Variants in CLCNKB observed in about 807,000 individuals in gnomAD.
The protein encoded by CLCNKB is chloride voltage-gated channel Kb.
A neutral mutation model predicts 83.8 loss-of-function variants in CLCNKB; 74 were observed. The observed-to-expected ratio is 0.88, with a 90% CI of 0.73 to 1.07. The LOEUF (loss-of-function observed/expected upper bound fraction) is 1.07. Among genes scored for constraint, CLCNKB ranks in the 50% least tolerant of loss-of-function variants. The probability of loss-of-function intolerance (pLI) is 0.00; values close to 1 mark genes in which losing one functional copy is unlikely to be tolerated. For synonymous variants in CLCNKB, 358 were observed against 356.6 expected, an observed-to-expected ratio of 1.00 and a Z score of -0.04; for missense variants, 798 against 893.6, an observed-to-expected ratio of 0.89 and a Z score of 1.36.
chr1:16,045,750 A>G, intron 3 of CLCNKB, 64 bp downstream of exon 3: 1 of 1,129,424 alleles, frequency 8.9e-7, no homozygotes, highest in Non-Finnish European at 1.2e-6. Context: ...TGGGGATGCC[A>G]GGTGGATGTC....
intron 1 of CLCNKB, 30 bp from the exon 2 acceptor site, chr1:16,044,456 C>T (rs1297779608): frequency 4.4e-5 from 68 of 1,557,302 alleles, no homozygotes; most frequent in Non-Finnish European, 5.5e-5. Flanking sequence ...AGCAGCTCAC[C>T]GCGGTCCCTC....
chr1:16,047,250 C>A (rs1322171127), intron 4 of CLCNKB, among the ~76,000 whole-genome samples: 2 of 152,038 alleles, frequency 1.3e-5, no homozygotes, highest in Non-Finnish European at 2.9e-5. Flanking sequence ...TGAGACCAGC[C>A]TGGGCAACAC....
Position 16,050,859 on chromosome 1 carries a change from A to T in CLCNKB, c.1054-16A>T. The T allele has an allele frequency of 6.2e-7, 1 of 1,608,558 alleles. No individual in the cohort carries two copies. The highest frequency in any genetic ancestry group is 8.5e-7 in the Non-Finnish European group (1 of 1,178,506). ...TGGGGGCCCCTCATGTCCAGTTCCC[A>T]CCTGCCCCGCCACAGCTGTCCATGA... On this transcript the variant is annotated splice_polypyrimidine_tract_variant and intron_variant, in intron 11 of 19. Transcript: ENST00000375679.
Position 16,048,341 on chromosome 1 carries a change from A to C in CLCNKB, c.499-2A>C. The C allele has an allele frequency of 6.2e-7, 1 of 1,613,884 alleles. No homozygotes were observed. Among genetic ancestry groups the C allele is most frequent in the Non-Finnish European group, 8.5e-7 (1 of 1,180,000 alleles). ...GCCCTGGGCCCACCCTTCTCTCTGC[A>C]GGGCCCTTTCGTGCACCTGTCTGTG... On this transcript the variant is annotated splice_acceptor_variant, in intron 5 of 19. Coordinates refer to ENST00000375679, the MANE Select transcript of CLCNKB (RefSeq NM_000085.5). LOFTEE classifies it high-confidence loss of function.
Position 16,049,864 on chromosome 1 carries a change from T to C in CLCNKB, c.916T>C (p.Phe306Leu). 6.2e-7 allele frequency: 1 copy of C among 1,613,916 alleles called. No homozygotes were observed. Among genetic ancestry groups the C allele is most frequent in the Non-Finnish European group, 8.5e-7 (1 of 1,179,928 alleles). ...GSAYLFCQRIFFGFIRNNRFS... is the reference protein window; with the variant it reads ...GSAYLFCQRILFGFIRNNRFS... Reference sequence around the variant, plus strand: ...CGCTTACCTCTTCTGTCAGCGAATCTTCTTTGGCTTCATCAGGAACAATAG... The same window carrying C: ...CGCTTACCTCTTCTGTCAGCGAATCCTCTTTGGCTTCATCAGGAACAATAG... Residue 306 changes from phenylalanine to leucine, a missense_variant, in exon 10 of 20, where the codon TTC (phenylalanine) becomes CTC (leucine). Phe to Leu is a conservative substitution (Grantham distance 22). Coordinates refer to ENST00000375679, the MANE Select transcript of CLCNKB (RefSeq NM_000085.5).
At chr1:16,044,274 C>A (rs573484296) in intron 1 of CLCNKB, among the ~76,000 whole-genome samples, 44 of 152,178 alleles carry the variant, frequency 2.9e-4, no homozygotes, top group African/African-American at 1.1e-3. Flanking sequence ...CCATCCCACA[C>A]AATGACACAC....
At chr1:16,056,144 G>A (rs2023430181) in intron 18 of CLCNKB, among the ~76,000 whole-genome samples, 1 of 152,190 alleles carries the variant, frequency 6.6e-6, no homozygotes, top group African/African-American at 2.4e-5. Flanking sequence ...GGTTGGGGAG[G>A]GGCAGAGGCT....
At chr1:16,053,826 C>A in intron 16 of CLCNKB, 54 bp downstream of exon 16, 3 of 1,609,110 alleles carry the variant, frequency 1.9e-6, no homozygotes, top group Non-Finnish European at 2.5e-6. Flanking sequence ...CCTCTGCCTC[C>A]TTCTTGAACC....
At chr1:16,052,502 G>A (rs1180928388) in intron 15 of CLCNKB, 91 bp downstream of exon 15, 50 of 1,470,764 alleles carry the variant, frequency 3.4e-5, no homozygotes, top group Middle Eastern at 1.9e-4. Flanking sequence ...AAACGCCACC[G>A]TAGCTGACCT....
chr1:16,044,180 G>C lies in CLCNKB; in HGVS notation c.-8+300G>C, dbSNP rs535226113. On this transcript the variant is annotated intron_variant, in intron 1 of 19. Transcript: ENST00000375679. Reference sequence around the variant, plus strand: ...AGGGTGGGAGCGGCTGCCACCGAAGGGGAAGGGGCTCTGAGCAGGGCTTGG... The same window carrying C: ...AGGGTGGGAGCGGCTGCCACCGAAGCGGAAGGGGCTCTGAGCAGGGCTTGG... 9.2e-5 allele frequency among the ~76,000 whole-genome samples: 14 copies of C among 152,038 alleles called. No homozygotes were observed. The South Asian group carries it at 1.0e-3, about 11-fold the overall frequency.
intron 17 of CLCNKB, 25 bp downstream of exon 17, chr1:16,055,548 GA>G: frequency 9.9e-7 from 1 of 1,007,466 alleles, no homozygotes; most frequent in Non-Finnish European, 1.5e-6. Context: ...GGGGCATGGG[GA>G]TGGGGCGGGG....
At chr1:16,056,782 C>G in intron 19 of CLCNKB, 87 bp from the exon 20 acceptor site, 3 of 1,071,592 alleles carry the variant, frequency 2.8e-6, no homozygotes, top group Middle Eastern at 2.0e-4. Context: ...ACCCAGAAAC[C>G]ACCCTTAGGG....
rs764151727 is a variant in CLCNKB, at chr1:16,056,427, C to A, written c.1935C>A (p.His645Gln). 9 of 1,614,116 alleles carry A rather than the reference C, an allele frequency of 5.6e-6. No individual in the cohort carries two copies. Among genetic ancestry groups the A allele is most frequent in the South Asian group, 2.2e-5 (2 of 91,080 alleles). The change falls in exon 19 of 20, where the codon CAC (histidine) becomes CAA (glutamine). Residue 645 changes from histidine (H) to glutamine (Q), a missense_variant. Physicochemically the swap from His to Gln is conservative, Grantham distance 24. Coordinates refer to ENST00000375679, the MANE Select transcript of CLCNKB (RefSeq NM_000085.5). Reference sequence around the variant, plus strand: ...TCCTAACATCCCCCATCCAGGCACACAACCTCTTTGAGCTGTTGAACCTTC... The same window carrying A: ...TCCTAACATCCCCCATCCAGGCACAAAACCTCTTTGAGCTGTTGAACCTTC... ...LSPETSLHEAHNLFELLNLHS... is the reference protein window; with the variant it reads ...LSPETSLHEAQNLFELLNLHS...
At chr1:16,045,537 T>C in intron 2 of CLCNKB, 21 bp from the exon 3 acceptor site, 1 of 1,611,760 alleles carries the variant, frequency 6.2e-7, no homozygotes, top group Non-Finnish European at 8.5e-7. Context: ...CCCTGTGCCG[T>C]GACCCCATGC....
rs558995145 is a variant in CLCNKB at position 16,055,796 on chromosome 1, T to C, written c.1929+38T>C. On this transcript the variant is annotated intron_variant, in intron 18 of 19. Transcript: ENST00000375679. ...ACTGGGGAGTGTGACACATGAGGCC[T>C]CTGGGTGGGGGAAGAGCTGATGAGG... The C allele has an allele frequency of 2.5e-6, 4 of 1,588,968 alleles. No individual in the cohort carries two copies. In the South Asian group the frequency reaches 4.4e-5, roughly 18 times the overall value.
In CLCNKB at chr1:16,051,459, G is replaced by T. The variant is rs1426145149; in HGVS notation, c.1228-19G>T. The T allele has an allele frequency of 6.2e-7, 1 of 1,613,698 alleles. No individual in the cohort carries two copies. The highest frequency in any genetic ancestry group is 8.5e-7 in the Non-Finnish European group (1 of 1,179,818). ...CCCAGCAGCCTCTAACCTCTGCCCTGGGCTCCCCACTCCCACAGTTCTGGA... is the reference window on the plus strand; with the variant it reads ...CCCAGCAGCCTCTAACCTCTGCCCTTGGCTCCCCACTCCCACAGTTCTGGA... On this transcript the variant is annotated intron_variant, in intron 12 of 19. Coordinates refer to ENST00000375679, the MANE Select transcript of CLCNKB (RefSeq NM_000085.5).
intron 8 of CLCNKB, 65 bp downstream of exon 8, chr1:16,049,310 C>T: frequency 6.2e-7 from 1 of 1,604,350 alleles, no homozygotes; most frequent in East Asian, 2.2e-5. Context: ...GCCCTCCCTT[C>T]TCCCCTGTGT....
Position 16,045,556 on chromosome 1 carries a change from A to C in CLCNKB, c.101-2A>C, listed in dbSNP as rs1333397051. On this transcript the variant is annotated splice_acceptor_variant, in intron 2 of 19. Transcript: ENST00000375679. LOFTEE classifies it high-confidence loss of function. ...GTGCCGTGACCCCATGCCCTGCCCC[A>C]GGTGGCCTGGAGTGGCTGAAGCAGA... 6.2e-7 allele frequency: 1 copy of C among 1,613,326 alleles called. No homozygotes were observed. The highest frequency in any genetic ancestry group is 1.7e-5 in the Admixed American group (1 of 59,998).
intron 17 of CLCNKB, 32 bp downstream of exon 17, chr1:16,055,555 CG>C: frequency 1.4e-6 from 1 of 697,174 alleles, no homozygotes; most frequent in Non-Finnish European, 2.5e-6. Flanking sequence ...GGGGATGGGG[CG>C]GGGGTGGGTC....
Sources: gnomAD v4.1 joint callset for allele counts (sites outside exome capture counted in the v4.1 genomes callset) on GRCh38, gnomAD v4.1.1 for gene constraint, MANE v1.5 for transcripts, NCBI Gene and HGNC (gene_info 2026-07-23, HGNC 2026-07-21) for gene names.